Variants in LAMB4 observed in about 807,000 individuals in gnomAD.
The protein encoded by LAMB4 is laminin subunit beta 4.
LAMB4 carries 196 observed loss-of-function variants against 199.2 expected under a neutral mutation model. The ratio of observed to expected loss-of-function variants is 0.98; its 90% confidence interval spans 0.88 to 1.11. The LOEUF is 1.11. Among genes scored for constraint, LAMB4 ranks in the 50% least tolerant of loss-of-function variants. The probability of loss-of-function intolerance (pLI) is 0.00; values close to 1 mark genes in which losing one functional copy is unlikely to be tolerated. For synonymous variants in LAMB4, 744 were observed against 770.6 expected (o/e 0.97, Z 0.57); for missense variants, 2,080 against 2,171.2 (o/e 0.96, Z 0.83).
At chr7:108,067,606 T>C (rs2036386580) in intron 19 of LAMB4, among the ~76,000 whole-genome samples, 1 of 152,232 alleles carries the variant, frequency 6.6e-6, no homozygotes, top group African/African-American at 2.4e-5. Context: ...GGTGACAGCA[T>C]TGTCCCTTTC....
At chr7:108,122,788 A>C (rs2038645956) in intron 2 of LAMB4, among the ~76,000 whole-genome samples, 1 of 152,326 alleles carries the variant, frequency 6.6e-6, no homozygotes, top group East Asian at 1.9e-4. Context: ...TCTTCACAAG[A>C]CCTCATTGCT....
At position 108,091,684 on chromosome 7, in the gene LAMB4, A is replaced by G. The variant is rs747364368; in HGVS notation, c.1643T>C (p.Leu548Ser). The change falls in exon 14 of 34, where the codon TTG (leucine) becomes TCG (serine). Residue 548 changes from leucine to serine, a missense_variant. By Grantham distance (145) the Leu-to-Ser change is moderately radical. Transcript: ENST00000388781. ...CTCTGCCTCGTAGAGATAGAAATTCAAAGGAGCAAAGAAGTAGCCAGGGGC... is the reference window on the plus strand; with the variant it reads ...CTCTGCCTCGTAGAGATAGAAATTCGAAGGAGCAAAGAAGTAGCCAGGGGC... ...EPAPGYFFAPLNFYLYEAEEA... is the reference protein window; with the variant it reads ...EPAPGYFFAPSNFYLYEAEEA... The G allele has an allele frequency of 3.1e-6, 5 of 1,614,236 alleles. No individual in the cohort carries two copies. In the Admixed American group the frequency reaches 8.3e-5, roughly 27 times the overall value.
At position 108,110,782 on chromosome 7, in the gene LAMB4, C is replaced by T. The variant is rs970030071; in HGVS notation, c.328+1029G>A. On this transcript the variant is annotated intron_variant, in intron 4 of 33. Coordinates refer to ENST00000388781, the MANE Select transcript of LAMB4 (RefSeq NM_007356.3). The stretch of plus-strand genomic sequence containing the variant: ...AGGACAGGTGGCTGTGGAAAAAACA[C>T]CTCATATTCATTAAGGAGAGTCCAG... Among the ~76,000 whole-genome samples the T allele has an allele frequency of 5.3e-5, 8 of 152,198 alleles. No individual in the cohort carries two copies. The South Asian group carries it at 1.0e-3, about 20-fold the overall frequency.
intron 17 of LAMB4, among the ~76,000 whole-genome samples, chr7:108,073,952 G>GGGTGGT: frequency 6.6e-6 from 1 of 152,122 alleles, no homozygotes; most frequent in Admixed American, 6.5e-5. Flanking sequence ...ACAGTGGGGC[G>GGGTGGT]GGTGGTGGTG....
intron 14 of LAMB4, among the ~76,000 whole-genome samples, chr7:108,082,364 T>C (rs1372660628): frequency 6.6e-6 from 1 of 150,666 alleles, no homozygotes; most frequent in African/African-American, 2.4e-5. Flanking sequence ...GTCGCAGAAC[T>C]TCAGAGAAGA....
At chr7:108,098,764 A>G (rs2037720087) in intron 10 of LAMB4, among the ~76,000 whole-genome samples, 182 bp from the exon 11 acceptor site, 1 of 152,228 alleles carries the variant, frequency 6.6e-6, no homozygotes, top group Admixed American at 6.5e-5. Flanking sequence ...GCCTTGGAAA[A>G]CGTTGAATAA....
At chr7:108,019,923 T>C (rs1193764979), downstream of LAMB4, among the ~76,000 whole-genome samples, 1 of 152,166 alleles carries the variant, frequency 6.6e-6, no homozygotes, top group Non-Finnish European at 1.5e-5. Flanking sequence ...TGGGAGAAGA[T>C]ACAGGATAGT....
chr7:108,073,898 C>T (rs1167801362), intron 17 of LAMB4, among the ~76,000 whole-genome samples: 2 of 152,202 alleles, frequency 1.3e-5, no homozygotes, highest in South Asian at 4.1e-4. Context: ...TTCCCTTCTT[C>T]AGAAAACTGC....
chr7:108,124,977 A>C (rs905681175), intron 1 of LAMB4, among the ~76,000 whole-genome samples: 31 of 152,184 alleles, frequency 2.0e-4, no homozygotes, highest in African/African-American at 7.0e-4. Context: ...GCCTGATTTT[A>C]GGCAAATATC....
At chr7:108,073,322 A>G (rs1035918368) in intron 17 of LAMB4, among the ~76,000 whole-genome samples, 3 of 152,218 alleles carry the variant, frequency 2.0e-5, no homozygotes, top group African/African-American at 7.2e-5. Context: ...AGGATTTTGT[A>G]ATGCCATGAC....
chr7:108,126,596 C>T (rs374662029), intron 1 of LAMB4, among the ~76,000 whole-genome samples: 2,894 of 124,782 alleles, frequency 0.023, 94 homozygotes, highest in African/African-American at 0.082. Context: ...CTCGCTCTGT[C>T]GCCCAGGCCG....
In LAMB4 at chr7:108,076,931, CTG is replaced by C. The variant is rs371819202; in HGVS notation, c.2124+11_2124+12del. On this transcript the variant is annotated intron_variant, in intron 17 of 33. Transcript: ENST00000388781. ...TAGCGAAGAAAGCACCCACAAAACT[CTG>C]TGATACTTACAGAGTCCACCAGGAC... The C allele has an allele frequency of 7.2e-4, 1,167 of 1,613,716 alleles. 3 individuals carry two copies. The African/African-American group carries it at 0.014, about 20-fold the overall frequency.
chr7:108,106,634 C>A, intron 6 of LAMB4, 62 bp from the exon 7 acceptor site: 1 of 956,900 alleles, frequency 1.0e-6, no homozygotes, highest in Non-Finnish European at 1.6e-6. Context: ...GTCAAACACA[C>A]TCTTTTTTTT....
At chr7:108,113,287 G>A (rs1416845048) in intron 3 of LAMB4, among the ~76,000 whole-genome samples, 1 of 152,124 alleles carries the variant, frequency 6.6e-6, no homozygotes, top group African/African-American at 2.4e-5. Context: ...AACTGAATGG[G>A]GCAAGGACCT....
intron 25 of LAMB4, 32 bp from the exon 26 acceptor site, chr7:108,052,289 GC>G (rs781271947): frequency 6.7e-7 from 1 of 1,492,518 alleles, no homozygotes; most frequent in East Asian, 2.4e-5. Flanking sequence ...ATGTAGTTAA[GC>G]TTGTATTACA....
In LAMB4 at chr7:108,080,993, G is replaced by A. The variant is rs543833587; in HGVS notation, c.1702-1207C>T. On this transcript the variant is annotated intron_variant, in intron 14 of 33. Coordinates refer to ENST00000388781, the MANE Select transcript of LAMB4 (RefSeq NM_007356.3). Reference sequence around the variant, plus strand: ...AAAAATTATCTGGGAGTGGTGGTGTGCGCTTGTACTCCCAGCTACTTGGAA... The same window carrying A: ...AAAAATTATCTGGGAGTGGTGGTGTACGCTTGTACTCCCAGCTACTTGGAA... Among the ~76,000 whole-genome samples, 462 of 152,176 alleles carry A rather than the reference G, an allele frequency of 3.0e-3. 1 individual carries two copies. The highest frequency in any genetic ancestry group is 0.011 in the African/African-American group (450 of 41,510).
chr7:108,054,999 T>C (rs1018759314), intron 25 of LAMB4, among the ~76,000 whole-genome samples: 2 of 152,220 alleles, frequency 1.3e-5, no homozygotes, highest in Non-Finnish European at 2.9e-5. Flanking sequence ...AAATTTTCCC[T>C]AGGTGTATCA....
chr7:108,120,194 A>G (rs1446023864), intron 2 of LAMB4, among the ~76,000 whole-genome samples: 2 of 152,212 alleles, frequency 1.3e-5, no homozygotes, highest in Non-Finnish European at 2.9e-5. Flanking sequence ...CCATTTAAAA[A>G]ATATAATAAT....
At chr7:108,099,564 G>C (rs978489168) in intron 10 of LAMB4, among the ~76,000 whole-genome samples, 12 of 152,206 alleles carry the variant, frequency 7.9e-5, no homozygotes, top group Non-Finnish European at 1.5e-5. Flanking sequence ...TGACAAATGT[G>C]TTGTTGGGCA....
Sources: allele counts gnomAD v4.1 joint callset (sites outside exome capture counted in the v4.1 genomes callset), GRCh38; gene constraint gnomAD v4.1.1; transcripts MANE v1.5; gene names NCBI Gene and HGNC (gene_info 2026-07-23, HGNC 2026-07-21).